The following CFAP47 variants were observed in gnomAD, a reference collection of about 807,000 sequenced individuals.
The protein encoded by CFAP47 is cilia- and flagella-associated protein 47.
CFAP47 carries 29 observed loss-of-function variants against 148.1 expected under a neutral mutation model. The ratio of observed to expected loss-of-function variants is 0.20; its 90% CI spans 0.15 to 0.27. CFAP47 has a LOEUF of 0.27. Ranked by LOEUF, CFAP47 falls within the 10% of genes least tolerant of loss-of-function variation. The probability of loss-of-function intolerance (pLI) is 1.00; values close to 1 mark genes in which losing one functional copy is unlikely to be tolerated. For synonymous variants in CFAP47, 664 were observed against 577.3 expected (o/e 1.15, Z -2.15); for missense variants, 1,872 against 1,697.5 (o/e 1.10, Z -1.81).
chrX:35,951,051 C>A, intron 4 of CFAP47, 80 bp from the exon 5 acceptor site: 1 of 671,802 alleles, frequency 1.5e-6, no homozygotes, highest in South Asian at 2.9e-5. Flanking sequence ...TTCTGTTTGT[C>A]GAAATGTGTG....
At position 35,951,344 on chromosome X, in the gene CFAP47, C is replaced by A. The variant is rs368075983; in HGVS notation, c.870C>A (p.Ala290=). Residue 290 remains alanine, a synonymous_variant, in exon 5 of 64, where the codon GCC becomes GCA. Coordinates refer to ENST00000378653, the MANE Select transcript of CFAP47 (RefSeq NM_001304548.2). ...INWVAIIQDD[A]VGEELGTDIQ... ...GGGTGGCCATCATACAAGATGATGC[C>A]GTGGGAGAAGAATTGGTAAGTAAGT... 15 of 1,183,424 alleles carry A rather than the reference C, an allele frequency of 1.3e-5. 1 individual carries two copies. The South Asian group carries it at 2.2e-4, about 17-fold the overall frequency.
At chrX:35,936,488 A>T (rs372110233) in intron 2 of CFAP47, among the ~76,000 whole-genome samples, 2 of 104,835 alleles carry the variant, frequency 1.9e-5, no homozygotes, top group South Asian at 8.7e-4. Context: ...CTTGCTAGAT[A>T]ATTTCAACCT....
chrX:36,204,345 C>T (rs1412755204), intron 44 of CFAP47, among the ~76,000 whole-genome samples: 2 of 110,310 alleles, frequency 1.8e-5, no homozygotes, highest in African/African-American at 3.3e-5. Flanking sequence ...AACCAAACAC[C>T]GCATGTTCTC....
rs746089430 is a variant in CFAP47, at chrX:35,998,046, CAT to C, written c.3177+659_3177+660del. Among the ~76,000 whole-genome samples the C allele has an allele frequency of 5.3e-3, 588 of 110,957 alleles. 5 individuals are homozygous for C. The highest frequency in any genetic ancestry group is 0.018 in the African/African-American group (563 of 30,632). On this transcript the variant is annotated intron_variant, in intron 19 of 63. Transcript: ENST00000378653. ...TTCTCTCGGAATGGAGTTATTGAGA[CAT>C]AGAGTTATGAGTGTGTTTAACTTCA...
At chrX:35,928,000 T>C (rs1935771211) in intron 2 of CFAP47, among the ~76,000 whole-genome samples, 1 of 84,554 alleles carries the variant, frequency 1.2e-5, no homozygotes, top group Non-Finnish European at 2.4e-5. Context: ...TTCTATTTTA[T>C]ATATATATAT....
intron 2 of CFAP47, among the ~76,000 whole-genome samples, chrX:35,940,692 G>A (rs1197031627): frequency 1.8e-5 from 2 of 111,175 alleles, no homozygotes; most frequent in Non-Finnish European, 3.8e-5. Flanking sequence ...GAAGTGTGGA[G>A]ATTCCTAAGA....
intron 49 of CFAP47, among the ~76,000 whole-genome samples, chrX:36,278,735 A>C (rs1359831611): frequency 3.6e-5 from 4 of 112,579 alleles, no homozygotes; most frequent in African/African-American, 1.3e-4. Flanking sequence ...ACAGACCCCA[A>C]ATGTATAATT....
intron 35 of CFAP47, among the ~76,000 whole-genome samples, chrX:36,141,936 TC>T (rs111312815): frequency 0.1 from 11,544 of 110,520 alleles, 1,213 homozygotes; most frequent in African/African-American, 0.32. Flanking sequence ...GGTAAACCTT[TC>T]CCAGCGGCCC....
At chrX:36,003,845 A>G (rs1443762861) in intron 21 of CFAP47, among the ~76,000 whole-genome samples, 1 of 110,819 alleles carries the variant, frequency 9.0e-6, no homozygotes, top group Non-Finnish European at 1.9e-5. Flanking sequence ...TTCAGACGAC[A>G]TGATTCTATA....
chrX:36,061,926 T>C (rs894288581), intron 26 of CFAP47, among the ~76,000 whole-genome samples: 25 of 112,144 alleles, frequency 2.2e-4, no homozygotes, highest in Admixed American at 2.2e-3. Context: ...CAAACCTATA[T>C]ACAGAAATAT....
intron 25 of CFAP47, among the ~76,000 whole-genome samples, chrX:36,041,653 A>G (rs2053932637): frequency 9.0e-6 from 1 of 111,511 alleles, no homozygotes; most frequent in Admixed American, 9.6e-5. Context: ...CATACATATA[A>G]TTATCCTTAA....
At chrX:36,095,090 G>T (rs963243386) in intron 30 of CFAP47, among the ~76,000 whole-genome samples, 1 of 111,276 alleles carries the variant, frequency 9.0e-6, no homozygotes, top group African/African-American at 3.3e-5. Flanking sequence ...TTAAAGTGAT[G>T]TTAAATTTTA....
intron 25 of CFAP47, among the ~76,000 whole-genome samples, chrX:36,043,406 T>G (rs982814352): frequency 8.9e-6 from 1 of 112,319 alleles, no homozygotes; most frequent in Non-Finnish European, 1.9e-5. Flanking sequence ...CTTCCACATA[T>G]GAGCCTGTAA....
chrX:36,173,068 T>C (rs963681767), intron 39 of CFAP47, among the ~76,000 whole-genome samples: 2 of 111,490 alleles, frequency 1.8e-5, no homozygotes, highest in East Asian at 2.8e-4. Context: ...TTCTTCTAGA[T>C]TTTCTAGTTT....
intron 45 of CFAP47, among the ~76,000 whole-genome samples, chrX:36,223,819 T>C (rs1323949688): frequency 9.0e-6 from 1 of 111,158 alleles, no homozygotes; most frequent in African/African-American, 3.3e-5. Context: ...ACAGTACGTC[T>C]AAGCCAGAAA....
At chrX:36,358,228 C>A (rs781963096) in intron 60 of CFAP47, among the ~76,000 whole-genome samples, 1 of 112,276 alleles carries the variant, frequency 8.9e-6, no homozygotes, top group East Asian at 2.8e-4. Context: ...ATACAGCAGT[C>A]ATATCTGTGT....
At position 36,131,898 on chromosome X, in the gene CFAP47, G is replaced by A. The variant is rs181473065; in HGVS notation, c.5321-6060G>A. Among the ~76,000 whole-genome samples the A allele has an allele frequency of 4.9e-3, 549 of 111,200 alleles. 4 individuals carry two copies. Among genetic ancestry groups the A allele is most frequent in the Non-Finnish European group, 7.6e-3 (398 of 52,665 alleles). On this transcript the variant is annotated intron_variant, in intron 33 of 63. Transcript: ENST00000378653. ...ATTAATGAGTATCAAGTTTATTTAT[G>A]TGTTGATAAAAATATTTTAAAAGAA...
intron 23 of CFAP47, among the ~76,000 whole-genome samples, chrX:36,034,723 T>C (rs1255061718): frequency 9.0e-6 from 1 of 110,908 alleles, no homozygotes; most frequent in South Asian, 3.8e-4. Flanking sequence ...TTCTTAGTGG[T>C]ACTACCAAAT....
At chrX:36,121,699 T>C (rs1205532321) in intron 33 of CFAP47, among the ~76,000 whole-genome samples, 1 of 111,432 alleles carries the variant, frequency 9.0e-6, no homozygotes, top group African/African-American at 3.3e-5. Flanking sequence ...TCTTCTGAAC[T>C]TTTTATTGTT....
Sources: gnomAD v4.1 joint callset for allele counts (sites outside exome capture counted in the v4.1 genomes callset) on GRCh38, gnomAD v4.1.1 for gene constraint, MANE v1.5 for transcripts, NCBI Gene and HGNC (gene_info 2026-07-23, HGNC 2026-07-21) for gene names.